The following SSC4D variants were observed in gnomAD, a reference collection of about 807,000 sequenced individuals.
SSC4D encodes scavenger receptor cysteine-rich domain-containing group B protein.
A neutral mutation model predicts 63.4 loss-of-function variants in SSC4D; 57 were observed. The observed-to-expected ratio is 0.90, with a 90% confidence interval of 0.73 to 1.12. The LOEUF (loss-of-function observed/expected upper bound fraction) is 1.12, where lower values mean the gene tolerates loss of function less well. Ranked by LOEUF, SSC4D falls within the 50% of genes most tolerant of loss-of-function variation. The pLI is 0.00. For synonymous variants in SSC4D, 352 were observed against 345.4 expected, an observed-to-expected ratio of 1.02 and a Z score of -0.21; for missense variants, 791 against 806.4, an observed-to-expected ratio of 0.98 and a Z score of 0.23.
At chr7:76,395,797 T>G (rs1050451554) in intron 6 of SSC4D, among the ~76,000 whole-genome samples, 81 of 152,254 alleles carry the variant, frequency 5.3e-4, no homozygotes, top group African/African-American at 1.7e-3. Flanking sequence ...GTTCAAGCGA[T>G]TCCCCTGCCT....
At chr7:76,407,293 A>T (rs1017759128) in intron 1 of SSC4D, among the ~76,000 whole-genome samples, 2 of 151,568 alleles carry the variant, frequency 1.3e-5, no homozygotes, top group African/African-American at 4.8e-5. Context: ...CAAGTGTGGC[A>T]GCTTACTCCT....
At chr7:76,395,721 C>T (rs967724623) in intron 6 of SSC4D, among the ~76,000 whole-genome samples, 3 of 152,264 alleles carry the variant, frequency 2.0e-5, no homozygotes, top group Non-Finnish European at 4.4e-5. Flanking sequence ...GATGGAGTTT[C>T]GCTCTTGTTA....
chr7:76,400,181 G>A (rs1456159656), intron 4 of SSC4D, 105 bp downstream of exon 4: 1 of 1,264,644 alleles, frequency 7.9e-7, no homozygotes, highest in Non-Finnish European at 1.0e-6. Context: ...GGCCTGATCT[G>A]CATGGAACAG....
intron 2 of SSC4D, among the ~76,000 whole-genome samples, chr7:76,403,132 C>G (rs1239906311): frequency 6.6e-6 from 1 of 152,216 alleles, no homozygotes; most frequent in East Asian, 1.9e-4. Flanking sequence ...CAGCCACACT[C>G]TTCTTCATCA....
At position 76,400,557 on chromosome 7, in the gene SSC4D, C is replaced by T; in HGVS notation, c.204G>A (p.Arg68=). The T allele has an allele frequency of 6.6e-7, 1 of 1,505,412 alleles. No individual in the cohort carries two copies. The highest frequency in any genetic ancestry group is 1.4e-5 in the African/African-American group (1 of 71,348). 93.3% of individuals were successfully genotyped at this position (1,505,412 alleles called of 1,614,324 possible). The part of the protein sequence containing the change: ...LRLVGGPSRC[R]GRLEVMHGGS... ...CACCGTGCATGACTTCCAGGCGGCC[C>T]CGGCAGCGGCTGGGGCCCCCCACCA... is the stretch of plus-strand genomic sequence containing the variant. The change falls in exon 4 of 11, where the codon CGG becomes CGA. Residue 68 remains arginine, a synonymous_variant. Transcript: ENST00000275560.
Position 76,397,512 on chromosome 7 carries a change from C to G in SSC4D, c.868+6G>C. 6.6e-7 allele frequency: 1 copy of G among 1,522,348 alleles called. No homozygotes were observed. The highest frequency in any genetic ancestry group is 1.3e-5 in the South Asian group (1 of 79,932). The allele number at this position is 1,522,348 out of a possible 1,614,324, so 94.3% of individuals were successfully genotyped here. ...CGGCCCCGCCCATCGCCCCTAGAGC[C>G]CGCACCTGCGCAGAGCGCGCCCGCG... On this transcript the variant is annotated splice_donor_region_variant and intron_variant, in intron 6 of 10. Transcript: ENST00000275560.
chr7:76,393,694 G>A lies in SSC4D; in HGVS notation c.1044C>T (p.Gly348=), dbSNP rs1371260605. ...CGCGGCCGCGGCACGGACCCGGGCCGCCCACCAGTCGCAGCCGTCCACCTG... is the reference window on the plus strand; with the variant it reads ...CGCGGCCGCGGCACGGACCCGGGCCACCCACCAGTCGCAGCCGTCCACCTG... The part of the protein sequence containing the change: ...GKKSGRLRLV[G]GPGPCRGRVE... The change falls in exon 9 of 11, where the codon GGC becomes GGT. Residue 348 remains glycine (G), a synonymous_variant. Transcript: ENST00000275560. 5.7e-6 allele frequency: 8 copies of A among 1,396,890 alleles called. No individual in the cohort carries two copies. Among genetic ancestry groups the A allele is most frequent in the Non-Finnish European group, 7.4e-6 (8 of 1,083,738 alleles). 86.5% of individuals were successfully genotyped at this position (1,396,890 alleles called of 1,614,324 possible). A position where few individuals can be genotyped will look rare whatever the true frequency, so the allele number is the denominator to read the frequency against.
intron 1 of SSC4D, among the ~76,000 whole-genome samples, chr7:76,408,665 C>A (rs1805125323): frequency 6.6e-6 from 1 of 152,138 alleles, no homozygotes. Flanking sequence ...TCCCAGGTGA[C>A]CCCAGAGCCC....
Position 76,391,944 on chromosome 7 carries a change from AG to A in SSC4D, c.1411+19del. On this transcript the variant is annotated intron_variant, in intron 10 of 10. Transcript: ENST00000275560. ...GACCCCGATGCCTCCACCCACTTTC[AG>A]GGGATTATGGGCACCTACCGTCCCT... 1 of 1,581,752 alleles carries A rather than the reference AG, an allele frequency of 6.3e-7. No individual in the cohort carries two copies. Among genetic ancestry groups the A allele is most frequent in the Non-Finnish European group, 8.6e-7 (1 of 1,163,348 alleles).
intron 2 of SSC4D, among the ~76,000 whole-genome samples, chr7:76,402,113 G>A (rs1354697542): frequency 1.3e-5 from 2 of 151,036 alleles, no homozygotes; most frequent in African/African-American, 4.9e-5. Flanking sequence ...TCCAATACCG[G>A]AGTTCAATCC....
At chr7:76,398,697 G>C (rs1440264159) in intron 5 of SSC4D, 23 bp downstream of exon 5, 1 of 1,611,296 alleles carries the variant, frequency 6.2e-7, no homozygotes, top group Non-Finnish European at 8.5e-7. Context: ...AACCCAGGTG[G>C]TGCCCACATT....
intron 10 of SSC4D, among the ~76,000 whole-genome samples, chr7:76,391,433 A>G (rs895979558): frequency 6.6e-6 from 1 of 152,188 alleles, no homozygotes; most frequent in South Asian, 2.1e-4. Context: ...TCAAAAAAAT[A>G]AAATAACAAA....
At chr7:76,406,247 G>C (rs1805028008) in intron 1 of SSC4D, among the ~76,000 whole-genome samples, 1 of 152,066 alleles carries the variant, frequency 6.6e-6, no homozygotes. Context: ...CAAAGTGCTG[G>C]GATTACAGGC....
At chr7:76,409,273 C>T (rs1048908099) in intron 1 of SSC4D, 141 bp downstream of exon 1, 1 of 151,620 alleles carries the variant, frequency 6.6e-6, no homozygotes, top group Admixed American at 6.6e-5. Context: ...GACAATTTCC[C>T]ATCTGACCAG....
chr7:76,398,719 C>T lies in SSC4D; in HGVS notation c.553+1G>A, dbSNP rs746603324. On this transcript the variant is annotated splice_donor_variant, in intron 5 of 10. Transcript: ENST00000275560. LOFTEE classifies it high-confidence loss of function. ...GTGGTGCCCACATTATGCTTACGTA[C>T]TTTTTCCATTCGGCAGTGTCGTAGG... 6.2e-7 allele frequency: 1 copy of T among 1,612,942 alleles called. No individual in the cohort carries two copies. Among genetic ancestry groups the T allele is most frequent in the Non-Finnish European group, 8.5e-7 (1 of 1,179,176 alleles).
chr7:76,400,193 C>T (rs1301473708), intron 4 of SSC4D, 93 bp downstream of exon 4: 1 of 1,346,270 alleles, frequency 7.4e-7, no homozygotes, highest in East Asian at 2.8e-5. Flanking sequence ...ATGGAACAGC[C>T]TTACCTGTGG....
In SSC4D at chr7:76,397,534, C is replaced by T. The variant is rs1804674729; in HGVS notation, c.852G>A (p.Ala284=). The change falls in exon 6 of 11, where the codon GCG becomes GCA. Residue 284 remains alanine (A), a synonymous_variant. Coordinates refer to ENST00000275560, the MANE Select transcript of SSC4D (RefSeq NM_080744.2). ...AGCCCGCACCTGCGCAGAGCGCGCC[C>T]GCGTCCTCGTGGTGGCCGCAGTTGT... The part of the protein sequence containing the change: ...GVHNCGHHED[A]GALCAGLGPP... 2 of 1,574,552 alleles carry T rather than the reference C, an allele frequency of 1.3e-6. No homozygotes were observed. The highest frequency in any genetic ancestry group is 2.3e-5 in the East Asian group (1 of 43,086).
At chr7:76,406,983 C>T (rs1584035819) in intron 1 of SSC4D, among the ~76,000 whole-genome samples, 1 of 151,072 alleles carries the variant, frequency 6.6e-6, no homozygotes, top group South Asian at 2.1e-4. Context: ...TTTTTGGAGA[C>T]AGAGCCTCCC....
At chr7:76,392,145 G>T in intron 9 of SSC4D, 104 bp from the exon 10 acceptor site, 1 of 1,104,390 alleles carries the variant, frequency 9.1e-7, no homozygotes, top group Non-Finnish European at 1.3e-6. Flanking sequence ...CTGTCCTAGG[G>T]ACAAAAAGGA....
Sources: allele counts gnomAD v4.1 joint callset (sites outside exome capture counted in the v4.1 genomes callset), GRCh38; gene constraint gnomAD v4.1.1; transcripts MANE v1.5; gene names NCBI Gene and HGNC (gene_info 2026-07-23, HGNC 2026-07-21).